Variants in GABRG3 observed in about 807,000 individuals in gnomAD.
GABRG3 encodes gamma-aminobutyric acid type A receptor subunit gamma3.
GABRG3 carries 25 observed loss-of-function variants against 48.8 expected under a neutral mutation model. That is an observed-to-expected ratio of 0.51 (90% CI 0.37 to 0.72). GABRG3 has a LOEUF of 0.72. GABRG3 is among the 30% of genes least tolerant of loss of function. The probability of loss-of-function intolerance (pLI) is 0.00; values close to 1 mark genes in which losing one functional copy is unlikely to be tolerated. For missense variants in GABRG3, 394 were observed against 577.9 expected, an observed-to-expected ratio of 0.68 and a Z score of 3.26; for synonymous variants, 227 against 217.6, an observed-to-expected ratio of 1.04 and a Z score of -0.38.
chr15:27,176,595 T>C lies in GABRG3; in HGVS notation c.270+149774T>C, dbSNP rs542474187. ...AATAACAGTTGTCACTTTAAACATC[T>C]CTAGTGATTGACTCTGCCTTAGAAA... On this transcript the variant is annotated intron_variant, in intron 3 of 9. Coordinates refer to ENST00000615808, the MANE Select transcript of GABRG3 (RefSeq NM_033223.5). Among the ~76,000 whole-genome samples, 3 of 152,258 alleles carry C rather than the reference T, an allele frequency of 2.0e-5. No homozygotes were observed. The East Asian group carries it at 5.8e-4, about 29-fold the overall frequency.
intron 3 of GABRG3, among the ~76,000 whole-genome samples, chr15:27,277,870 G>GA (rs1799855610): frequency 6.6e-6 from 1 of 151,932 alleles, no homozygotes; most frequent in Admixed American, 6.5e-5. Context: ...AGAGGAATTT[G>GA]AAAAAATAGT....
At position 27,287,134 on chromosome 15, in the gene GABRG3, A is replaced by G. The variant is rs79749121; in HGVS notation, c.271-39675A>G. The stretch of plus-strand genomic sequence containing the variant: ...TGAGGTGTTGAAGCCCCCAGTTACC[A>G]TTGTGAATGTGCCTATGTATCCTTC... On this transcript the variant is annotated intron_variant, in intron 3 of 9. Transcript: ENST00000615808. 6.2e-3 allele frequency among the ~76,000 whole-genome samples: 948 copies of G among 152,230 alleles called. 28 individuals are homozygous for G. The East Asian group carries it at 0.089, about 14-fold the overall frequency.
chr15:27,308,112 A>G (rs1310155294), intron 3 of GABRG3, among the ~76,000 whole-genome samples: 1 of 131,308 alleles, frequency 7.6e-6, no homozygotes, highest in Non-Finnish European at 1.6e-5. Flanking sequence ...ATATGTTTAT[A>G]CATCCAAACA....
At chr15:27,525,723 G>A (rs781257691) in intron 7 of GABRG3, among the ~76,000 whole-genome samples, 2 of 152,144 alleles carry the variant, frequency 1.3e-5, no homozygotes, top group Non-Finnish European at 2.9e-5. Context: ...TGAATTGGAT[G>A]TTTATTAAAA....
At chr15:27,524,524 A>G (rs917163997) in intron 7 of GABRG3, among the ~76,000 whole-genome samples, 4 of 152,142 alleles carry the variant, frequency 2.6e-5, no homozygotes, top group Non-Finnish European at 4.4e-5. Context: ...GAAGCAAAAA[A>G]TCATAATGCT....
At chr15:27,301,027 A>AT (rs1253314600) in intron 3 of GABRG3, among the ~76,000 whole-genome samples, 2 of 152,180 alleles carry the variant, frequency 1.3e-5, no homozygotes, top group Non-Finnish European at 2.9e-5. Context: ...TGGAGATGAC[A>AT]TATATGACAT....
At chr15:27,143,030 C>T (rs941796435) in intron 3 of GABRG3, among the ~76,000 whole-genome samples, 1 of 152,148 alleles carries the variant, frequency 6.6e-6, no homozygotes, top group Non-Finnish European at 1.5e-5. Context: ...GCTAAGATTA[C>T]AAGCATGAGC....
At chr15:27,287,414 A>G (rs1891648942) in intron 3 of GABRG3, among the ~76,000 whole-genome samples, 1 of 152,218 alleles carries the variant, frequency 6.6e-6, no homozygotes, top group South Asian at 2.1e-4. Flanking sequence ...TAATTGATTT[A>G]TTAGATTGCA....
At chr15:26,997,829 A>G (rs773527453) in intron 2 of GABRG3, among the ~76,000 whole-genome samples, 8 of 152,160 alleles carry the variant, frequency 5.3e-5, no homozygotes, top group African/African-American at 1.7e-4. Context: ...TCCTCCTTCT[A>G]ATTCCTGATA....
intron 3 of GABRG3, among the ~76,000 whole-genome samples, chr15:27,121,826 G>A (rs1204457836): frequency 1.3e-5 from 2 of 152,136 alleles, no homozygotes; most frequent in Non-Finnish European, 2.9e-5. Context: ...GGATGGAACT[G>A]GAGATCATTA....
intron 6 of GABRG3, among the ~76,000 whole-genome samples, chr15:27,494,263 C>T (rs1445886824): frequency 6.6e-6 from 1 of 151,742 alleles, no homozygotes; most frequent in Non-Finnish European, 1.5e-5. Context: ...ACATTAATAT[C>T]AATTCAATAT....
intron 6 of GABRG3, among the ~76,000 whole-genome samples, chr15:27,489,322 T>C (rs551381390): frequency 6.6e-4 from 100 of 152,300 alleles, no homozygotes; most frequent in African/African-American, 1.9e-3. Context: ...TATTGTGAAC[T>C]GTGCTGCAAT....
At chr15:27,516,274 T>A (rs1566875671) in intron 6 of GABRG3, among the ~76,000 whole-genome samples, 1 of 152,206 alleles carries the variant, frequency 6.6e-6, no homozygotes, top group Admixed American at 6.5e-5. Flanking sequence ...ACTAATTGTA[T>A]GAAGTGTGAA....
At chr15:27,119,404 T>C (rs535834061) in intron 3 of GABRG3, among the ~76,000 whole-genome samples, 3 of 152,378 alleles carry the variant, frequency 2.0e-5, no homozygotes, top group East Asian at 3.9e-4. Flanking sequence ...GGAAAAGATA[T>C]AACTTTTTCA....
chr15:27,536,133 CTG>C lies in GABRG3; in HGVS notation c.*3255_*3256del, dbSNP rs996122702. The C allele has an allele frequency of 6.6e-6, 1 of 152,204 alleles. No homozygotes were observed. The highest frequency in any genetic ancestry group is 2.4e-5 in the African/African-American group (1 of 41,462). 9.4% of individuals were successfully genotyped at this position (152,204 alleles called of 1,614,324 possible). ...TGACCACTGTGGATCACACTTAAAA[CTG>C]TGACTGTCTGTCTTTTAAGCTGCAT... On this transcript the variant is annotated 3_prime_UTR_variant, in exon 10 of 10. Transcript: ENST00000615808.
chr15:27,459,063 C>G (rs1889373161), intron 5 of GABRG3, among the ~76,000 whole-genome samples: 1 of 151,874 alleles, frequency 6.6e-6, no homozygotes, highest in East Asian at 1.9e-4. Flanking sequence ...CTCCACCTTT[C>G]CCCAGAAATA....
At chr15:27,374,868 G>A (rs958381077) in intron 5 of GABRG3, among the ~76,000 whole-genome samples, 3 of 152,176 alleles carry the variant, frequency 2.0e-5, no homozygotes, top group Non-Finnish European at 4.4e-5. Flanking sequence ...CTCTTGGAAG[G>A]CTTGATGAAC....
At chr15:27,003,876 A>G (rs372306166) in intron 2 of GABRG3, among the ~76,000 whole-genome samples, 84,421 of 127,990 alleles carry the variant, frequency 0.66, 28,245 homozygotes, top group East Asian at 0.88. Context: ...CCTCCCTCCC[A>G]GACGGGGCGG....
chr15:27,372,924 CA>C (rs1595711422), intron 5 of GABRG3, among the ~76,000 whole-genome samples: 2 of 152,342 alleles, frequency 1.3e-5, no homozygotes, highest in East Asian at 3.9e-4. Context: ...TTCTTCTTCT[CA>C]GCTACATTGC....
Sources: gnomAD v4.1 joint callset for allele counts (sites outside exome capture counted in the v4.1 genomes callset) on GRCh38, gnomAD v4.1.1 for gene constraint, MANE v1.5 for transcripts, NCBI Gene and HGNC (gene_info 2026-07-23, HGNC 2026-07-21) for gene names.